CD8B: variants seen among roughly 807,000 people sequenced by gnomAD.
CD8B encodes the protein T-cell surface glycoprotein CD8 beta chain.
In CD8B, 6 loss-of-function variants were observed where a neutral mutation model predicts 24.2. The observed-to-expected ratio is 0.25, with a 90% CI of 0.14 to 0.49. The LOEUF is 0.49. Ranked by LOEUF, CD8B falls within the 20% of genes least tolerant of loss-of-function variation. The pLI is 0.98. For missense variants in CD8B, 196 were observed against 271.3 expected (o/e 0.72, Z 1.95); for synonymous variants, 84 against 108.3 (o/e 0.78, Z 1.39).
At chr2:86,826,179 T>C (rs1218018338) in intron 5 of CD8B, among the ~76,000 whole-genome samples, 2 of 151,962 alleles carry the variant, frequency 1.3e-5, no homozygotes, top group African/African-American at 4.8e-5. Flanking sequence ...TGTATTGTCT[T>C]CCTAGCTCTG....
At chr2:86,832,530 G>A (rs189476985) in intron 5 of CD8B, among the ~76,000 whole-genome samples, 16 of 150,756 alleles carry the variant, frequency 1.1e-4, no homozygotes, top group Non-Finnish European at 1.8e-4. Flanking sequence ...GGAAGGGCAC[G>A]GTCACATGAG....
rs181168798 is a variant in CD8B at position 86,848,012 on chromosome 2, A to G, written c.494-1239T>C. ...AGCAGAGTAACATCTGACAGCATGG[A>G]TGTACCATGAGTTACTTGTCATCAG... On this transcript the variant is annotated intron_variant, in intron 3 of 5. Coordinates refer to ENST00000390655, the MANE Select transcript of CD8B (RefSeq NM_004931.5). 1.1e-3 allele frequency among the ~76,000 whole-genome samples: 163 copies of G among 152,310 alleles called. 1 individual carries two copies. The highest frequency in any genetic ancestry group is 9.8e-3 in the Admixed American group (150 of 15,290).
intron 2 of CD8B, among the ~76,000 whole-genome samples, chr2:86,854,016 C>T (rs1271267075): frequency 6.6e-6 from 1 of 151,498 alleles, no homozygotes; most frequent in Non-Finnish European, 1.5e-5. Flanking sequence ...GCTAGTATTA[C>T]AGGTACGAGC....
intron 5 of CD8B, chr2:86,832,961 TCTCCTCCCCTCCCCTCC>T: frequency 1.3e-5 from 1 of 76,230 alleles, no homozygotes; most frequent in Non-Finnish European, 2.5e-5. Flanking sequence ...TCCCCTCCCC[TCTCCTCCCCTCCCCTCC>T]CCTCCCCTCT....
chr2:86,847,653 C>T (rs180856696), intron 3 of CD8B, among the ~76,000 whole-genome samples: 1,641 of 152,318 alleles, frequency 0.011, 36 homozygotes, highest in African/African-American at 0.038. Context: ...GCAACCTCCG[C>T]CTTCTGGGTT....
At chr2:86,835,477 C>G (rs1262707138), downstream of CD8B, among the ~76,000 whole-genome samples, 3 of 152,056 alleles carry the variant, frequency 2.0e-5, no homozygotes, top group Non-Finnish European at 4.4e-5. Flanking sequence ...TTTACTGTTG[C>G]TCTCCCCTCC....
chr2:86,846,954 T>C (rs1573515554), intron 3 of CD8B, among the ~76,000 whole-genome samples, 181 bp from the exon 4 acceptor site: 2 of 144,632 alleles, frequency 1.4e-5, no homozygotes, highest in African/African-American at 5.2e-5. Flanking sequence ...TTTTTTTTTT[T>C]TGAGACAGAG....
At chr2:86,823,275 ATT>A (rs112078591) in intron 5 of CD8B, among the ~76,000 whole-genome samples, 2 of 146,620 alleles carry the variant, frequency 1.4e-5, no homozygotes, top group Non-Finnish European at 3.1e-5. Context: ...CTTAAAAAAA[ATT>A]TTTAATTAAT....
At chr2:86,847,910 G>C (rs1258038566) in intron 3 of CD8B, among the ~76,000 whole-genome samples, 1 of 152,178 alleles carries the variant, frequency 6.6e-6, no homozygotes, top group African/African-American at 2.4e-5. Flanking sequence ...GGATTATACT[G>C]TACAAATTGT....
At chr2:86,855,044 CTG>C (rs1676166256) in intron 2 of CD8B, among the ~76,000 whole-genome samples, 1 of 151,730 alleles carries the variant, frequency 6.6e-6, no homozygotes, top group African/African-American at 2.4e-5. Flanking sequence ...TCGTTTGAAC[CTG>C]TGAGGCAGAG....
chr2:86,822,684 A>G (rs1573487705), intron 5 of CD8B, among the ~76,000 whole-genome samples: 1 of 152,352 alleles, frequency 6.6e-6, no homozygotes, highest in East Asian at 1.9e-4. Flanking sequence ...AATTTTTGCA[A>G]TGTGTATTAC....
chr2:86,822,468 C>T (rs1268272748), intron 5 of CD8B: 20 of 732,972 alleles, frequency 2.7e-5, no homozygotes, highest in Admixed American at 2.4e-4. Context: ...AATGATAATG[C>T]ATTCAATATA....
chr2:86,855,406 G>A (rs1305129242), intron 2 of CD8B, among the ~76,000 whole-genome samples: 1 of 152,194 alleles, frequency 6.6e-6, no homozygotes, highest in Non-Finnish European at 1.5e-5. Context: ...GGCAGGCACT[G>A]TTGTCCCCAT....
chr2:86,822,457 CAAT>C (rs1674518558), intron 5 of CD8B: 2 of 803,054 alleles, frequency 2.5e-6, no homozygotes, highest in East Asian at 5.0e-5. Context: ...TTTAAGTAAA[CAAT>C]GATAATGCAT....
In CD8B at chr2:86,853,691, A is replaced by T. The variant is rs565118846; in HGVS notation, c.404-605T>A. 3.0e-3 allele frequency among the ~76,000 whole-genome samples: 458 copies of T among 151,482 alleles called. 2 individuals carry two copies. Among genetic ancestry groups the T allele is most frequent in the Non-Finnish European group, 5.2e-3 (354 of 67,940 alleles). ...CAGAGCCTACACCTCTGATTTATTT[A>T]TTTTTATTTATTTATTTATTTATTT... On this transcript the variant is annotated intron_variant, in intron 2 of 5. Coordinates refer to ENST00000390655, the MANE Select transcript of CD8B (RefSeq NM_004931.5).
chr2:86,815,497 T>C (rs949240641), downstream of CD8B: 33 of 731,672 alleles, frequency 4.5e-5, no homozygotes, highest in Middle Eastern at 1.3e-3. Context: ...ACTTGGGGGG[T>C]TGATGGTGGC....
intron 5 of CD8B, among the ~76,000 whole-genome samples, chr2:86,816,408 A>G (rs1674246520): frequency 6.6e-6 from 1 of 152,218 alleles, no homozygotes; most frequent in South Asian, 2.1e-4. Context: ...TGCCAACCAG[A>G]TTTTGCTCAC....
intron 3 of CD8B, among the ~76,000 whole-genome samples, chr2:86,851,564 C>T (rs1411188814): frequency 2.0e-5 from 3 of 152,192 alleles, no homozygotes; most frequent in African/African-American, 7.2e-5. Context: ...ACTGTGACCT[C>T]ATGTGACGGC....
chr2:86,820,856 G>C (rs542527959), intron 5 of CD8B, among the ~76,000 whole-genome samples: 8 of 152,240 alleles, frequency 5.3e-5, no homozygotes, highest in Non-Finnish European at 1.2e-4. Context: ...CATTGACTGA[G>C]TAGTATGTGC....
Sources: gnomAD v4.1 joint callset for allele counts (sites outside exome capture counted in the v4.1 genomes callset) on GRCh38, gnomAD v4.1.1 for gene constraint, MANE v1.5 for transcripts, NCBI Gene and HGNC (gene_info 2026-07-23, HGNC 2026-07-21) for gene names.